Variants in TRIM55 observed in about 807,000 individuals in gnomAD.
TRIM55 encodes tripartite motif containing 55.
TRIM55 carries 50 observed loss-of-function variants against 60.9 expected under a neutral mutation model. That is an observed-to-expected ratio of 0.82 (90% confidence interval 0.65 to 1.04). The LOEUF is 1.04. Ranked by LOEUF, TRIM55 falls within the 50% of genes least tolerant of loss-of-function variation. TRIM55 has a pLI of 0.00. For missense variants in TRIM55, 681 were observed against 666.9 expected, an observed-to-expected ratio of 1.02 and a Z score of -0.23; for synonymous variants, 237 against 238.1, an observed-to-expected ratio of 1.00 and a Z score of 0.04.
At chr8:66,174,345 A>G (rs1471397039) in intron 9 of TRIM55, 126 bp from the exon 10 acceptor site, 1 of 714,690 alleles carries the variant, frequency 1.4e-6, no homozygotes, top group African/African-American at 1.9e-5. Flanking sequence ...GTGCCATATA[A>G]TAATATTGTT....
chr8:66,174,478 T>C lies in TRIM55; in HGVS notation c.1532T>C (p.Phe511Ser). ...CATTTTCTTCCATTGCAGATTGGAT[T>C]TGAGGCTCCTCCCCTCCAGGGACAG... ...SAPAATSQIG[F>S]EAPPLQGQAA... Residue 511 changes from phenylalanine (F) to serine (S), a missense_variant, in exon 10 of 10, where the codon TTT becomes TCT. Physicochemically the swap from Phe to Ser is radical, Grantham distance 155. Coordinates refer to ENST00000315962, the MANE Select transcript of TRIM55 (RefSeq NM_184085.2). The C allele has an allele frequency of 1.2e-6, 2 of 1,611,546 alleles. No individual in the cohort carries two copies. The highest frequency in any genetic ancestry group is 2.2e-5 in the South Asian group (2 of 90,674).
chr8:66,159,164 T>C (rs1810909690), intron 9 of TRIM55, among the ~76,000 whole-genome samples: 1 of 152,220 alleles, frequency 6.6e-6, no homozygotes, highest in African/African-American at 2.4e-5. Context: ...CCCCAGAAAG[T>C]TCCCTCATGT....
At chr8:66,135,773 C>G (rs1008093294) in intron 3 of TRIM55, among the ~76,000 whole-genome samples, 6 of 152,064 alleles carry the variant, frequency 3.9e-5, no homozygotes, top group Non-Finnish European at 8.8e-5. Context: ...AGCCATGGCC[C>G]CCTAATTCTG....
At chr8:66,140,249 T>G (rs976167919) in intron 4 of TRIM55, among the ~76,000 whole-genome samples, 1 of 152,210 alleles carries the variant, frequency 6.6e-6, no homozygotes, top group African/African-American at 2.4e-5. Context: ...TATACATTCA[T>G]GGGGAGAAAT....
At chr8:66,133,926 C>T (rs1033010882) in intron 2 of TRIM55, among the ~76,000 whole-genome samples, 1 of 152,126 alleles carries the variant, frequency 6.6e-6, no homozygotes, top group East Asian at 1.9e-4. Context: ...TATATACACA[C>T]ATACACAAAC....
At chr8:66,118,606 G>C in the TRIM55 span, among the ~76,000 whole-genome samples, 1 of 152,182 alleles carries the variant, frequency 6.6e-6, no homozygotes, top group Non-Finnish European at 1.5e-5. Context: ...AGAGTTCTGG[G>C]TTATATTTTT....
intron 9 of TRIM55, among the ~76,000 whole-genome samples, chr8:66,160,574 T>C (rs1810991368): frequency 6.6e-6 from 1 of 152,212 alleles, no homozygotes; most frequent in Admixed American, 6.5e-5. Flanking sequence ...GTAGATCTAC[T>C]TTTAGTTCTT....
Position 66,127,230 on chromosome 8 carries a change from G to T in TRIM55, c.-39G>T. The T allele has an allele frequency of 6.3e-7, 1 of 1,592,428 alleles. No individual in the cohort carries two copies. Among genetic ancestry groups the T allele is most frequent in the Non-Finnish European group, 8.6e-7 (1 of 1,166,148 alleles). ...GAAACACTTGCTGGAGCCACTCGCA[G>T]CACCCTTCCCTGGCAGCACACTTGG... On this transcript the variant is annotated 5_prime_UTR_variant, in exon 1 of 10. Coordinates refer to ENST00000315962, the MANE Select transcript of TRIM55 (RefSeq NM_184085.2).
At chr8:66,136,010 A>C (rs1809461973) in intron 3 of TRIM55, among the ~76,000 whole-genome samples, 1 of 152,178 alleles carries the variant, frequency 6.6e-6, no homozygotes, top group Non-Finnish European at 1.5e-5. Context: ...TGTGAAGATC[A>C]GTGCTGAAAT....
At chr8:66,141,815 T>A (rs1427764556) in intron 4 of TRIM55, among the ~76,000 whole-genome samples, 2 of 152,238 alleles carry the variant, frequency 1.3e-5, no homozygotes, top group Non-Finnish European at 2.9e-5. Flanking sequence ...TTTGCAGTGA[T>A]AACAAATTCA....
At chr8:66,137,049 G>T (rs1384891084) in intron 3 of TRIM55, 46 bp from the exon 4 acceptor site, 1 of 1,525,530 alleles carries the variant, frequency 6.6e-7, no homozygotes, top group Admixed American at 1.7e-5. Flanking sequence ...AGTCGGGGTG[G>T]CTAGGAAACC....
At chr8:66,148,379 G>T (rs983917550) in intron 4 of TRIM55, among the ~76,000 whole-genome samples, 1 of 152,238 alleles carries the variant, frequency 6.6e-6, no homozygotes, top group Non-Finnish European at 1.5e-5. Context: ...CCCATTCTTA[G>T]GCAGTATTGG....
Position 66,131,284 on chromosome 8 carries a change from G to A in TRIM55, c.341+2808G>A, listed in dbSNP as rs1230290773. ...AACTTTTAGAATTCATTACTACTGG[G>A]CCTCTGAAGAGAAATGCAGTCTCCA... On this transcript the variant is annotated intron_variant, in intron 2 of 9. Transcript: ENST00000315962. Among the ~76,000 whole-genome samples the A allele has an allele frequency of 2.0e-5, 3 of 151,988 alleles. No homozygotes were observed. The East Asian group carries it at 5.8e-4, about 29-fold the overall frequency.
chr8:66,137,431 T>G (rs1170374444), intron 4 of TRIM55, among the ~76,000 whole-genome samples: 1 of 152,238 alleles, frequency 6.6e-6, no homozygotes, highest in African/African-American at 2.4e-5. Flanking sequence ...TGTTGTTCTT[T>G]CTTCCTTTTG....
chr8:66,123,327 C>G (rs749695545), upstream of TRIM55, among the ~76,000 whole-genome samples: 1 of 152,142 alleles, frequency 6.6e-6, no homozygotes, highest in Non-Finnish European at 1.5e-5. Context: ...TACACTGTAG[C>G]CTGACCACCT....
At chr8:66,153,913 T>C (rs1407200918) in intron 8 of TRIM55, 134 bp from the exon 9 acceptor site, 5 of 834,982 alleles carry the variant, frequency 6.0e-6, no homozygotes. Flanking sequence ...TGGGATGAAC[T>C]AAAACGGCCA....
chr8:66,169,106 A>T (rs1206935941), intron 9 of TRIM55, among the ~76,000 whole-genome samples: 3 of 152,192 alleles, frequency 2.0e-5, no homozygotes, highest in Non-Finnish European at 4.4e-5. Context: ...GATTAAAATA[A>T]GCTCACTCTT....
chr8:66,144,735 A>G (rs1810013678), intron 4 of TRIM55, among the ~76,000 whole-genome samples: 1 of 152,258 alleles, frequency 6.6e-6, no homozygotes, highest in Non-Finnish European at 1.5e-5. Context: ...ATACCTTTTT[A>G]CTCAAGTAAA....
chr8:66,164,299 A>G (rs1181570781), intron 9 of TRIM55, among the ~76,000 whole-genome samples: 1 of 152,240 alleles, frequency 6.6e-6, no homozygotes, highest in African/African-American at 2.4e-5. Context: ...GAGGTGCCTG[A>G]TACCTTTAAG....
Sources: gnomAD v4.1 joint callset for allele counts (sites outside exome capture counted in the v4.1 genomes callset) on GRCh38, gnomAD v4.1.1 for gene constraint, MANE v1.5 for transcripts, NCBI Gene and HGNC (gene_info 2026-07-23, HGNC 2026-07-21) for gene names.